EXOC2: variants seen among roughly 807,000 people sequenced by gnomAD.
The protein encoded by EXOC2 is exocyst complex component 2.
In EXOC2, 70 loss-of-function variants were observed where a neutral mutation model predicts 131.8. That is an observed-to-expected ratio of 0.53 (90% CI 0.44 to 0.65). EXOC2 has a LOEUF of 0.65. EXOC2 is among the 30% of genes least tolerant of loss of function. The pLI, the probability that EXOC2 is intolerant of heterozygous loss-of-function variation, is 0.00. For synonymous variants in EXOC2, 411 were observed against 398.4 expected (o/e 1.03, Z -0.38); for missense variants, 923 against 1,108.6 (o/e 0.83, Z 2.38).
chr6:651,364 C>A (rs1221028768), intron 1 of EXOC2, among the ~76,000 whole-genome samples: 3 of 152,060 alleles, frequency 2.0e-5, no homozygotes, highest in Admixed American at 6.6e-5. Flanking sequence ...CATTTAAAGT[C>A]TACAAAAGGC....
intron 13 of EXOC2, among the ~76,000 whole-genome samples, chr6:570,239 T>TTCCAC (rs1243525692): frequency 2.1e-5 from 3 of 145,042 alleles, no homozygotes; most frequent in African/African-American, 7.7e-5. Flanking sequence ...GTTCACGCCA[T>TTCCAC]TCTCCTGCCT....
At chr6:607,574 C>A (rs1488960098) in intron 7 of EXOC2, among the ~76,000 whole-genome samples, 1 of 152,206 alleles carries the variant, frequency 6.6e-6, no homozygotes, top group Non-Finnish European at 1.5e-5. Context: ...GGGACTATTT[C>A]AATTTAAAGC....
intron 23 of EXOC2, among the ~76,000 whole-genome samples, chr6:529,379 G>C (rs1184125212): frequency 6.8e-6 from 1 of 145,988 alleles, no homozygotes; most frequent in Non-Finnish European, 1.5e-5. Context: ...TGTTAACGGA[G>C]GCAGCAGGTC....
intron 11 of EXOC2, among the ~76,000 whole-genome samples, chr6:582,865 A>T (rs1159846832): frequency 6.6e-6 from 1 of 152,110 alleles, no homozygotes; most frequent in Non-Finnish European, 1.5e-5. Flanking sequence ...GCCCCTGTTA[A>T]CTCACTCACT....
intron 13 of EXOC2, among the ~76,000 whole-genome samples, chr6:565,878 AG>A (rs1757939221): frequency 6.6e-6 from 1 of 152,236 alleles, no homozygotes; most frequent in Admixed American, 6.5e-5. Context: ...AACTGCGTGT[AG>A]GGTTAGTTTA....
intron 23 of EXOC2, among the ~76,000 whole-genome samples, chr6:517,265 G>C (rs1005297547): frequency 6.6e-6 from 1 of 152,038 alleles, no homozygotes; most frequent in Non-Finnish European, 1.5e-5. Context: ...GTGGAACATG[G>C]CACCCTATGG....
intron 23 of EXOC2, among the ~76,000 whole-genome samples, chr6:508,330 C>T (rs1764675248): frequency 6.6e-6 from 1 of 152,212 alleles, no homozygotes; most frequent in Non-Finnish European, 1.5e-5. Context: ...CCACAGTTTA[C>T]ATTAGGGTCA....
At chr6:578,831 T>C (rs183320763) in intron 11 of EXOC2, among the ~76,000 whole-genome samples, 2 of 152,190 alleles carry the variant, frequency 1.3e-5, no homozygotes, top group Non-Finnish European at 2.9e-5. Flanking sequence ...TTTTTTCATA[T>C]AAAAATGTTT....
chr6:501,176 C>A (rs59259632), intron 23 of EXOC2, among the ~76,000 whole-genome samples: 3 of 6,358 alleles, frequency 4.7e-4, no homozygotes, highest in South Asian at 5.7e-3. Context: ...TTATATATAT[C>A]TATATATTAT....
At chr6:505,352 G>A (rs992170833) in intron 23 of EXOC2, among the ~76,000 whole-genome samples, 12 of 152,134 alleles carry the variant, frequency 7.9e-5, no homozygotes, top group African/African-American at 2.2e-4. Flanking sequence ...CTTCTGTGGC[G>A]ACATCTGAGC....
intron 23 of EXOC2, among the ~76,000 whole-genome samples, chr6:518,366 T>G (rs554547531): frequency 6.6e-6 from 1 of 152,340 alleles, no homozygotes; most frequent in South Asian, 2.1e-4. Flanking sequence ...TTTGGAGATA[T>G]GTCTCAAAAT....
chr6:581,340 T>C (rs1008184642), intron 11 of EXOC2, among the ~76,000 whole-genome samples: 2 of 152,112 alleles, frequency 1.3e-5, no homozygotes, highest in African/African-American at 4.8e-5. Flanking sequence ...ATCAGAATTT[T>C]ATAATATTTG....
intron 24 of EXOC2, 63 bp from the exon 25 acceptor site, chr6:497,552 A>G (rs1581300918): frequency 6.5e-7 from 1 of 1,544,996 alleles, no homozygotes; most frequent in East Asian, 2.3e-5. Flanking sequence ...TGTTAAAGAC[A>G]AAGTTAACAT....
At chr6:555,438 C>T (rs781136300) in intron 19 of EXOC2, 150 bp from the exon 20 acceptor site, 7 of 448,768 alleles carry the variant, frequency 1.6e-5, no homozygotes, top group Non-Finnish European at 2.4e-5. Flanking sequence ...TGTGTATATA[C>T]TGTATATGCC....
chr6:600,567 T>A (rs1760075188), intron 7 of EXOC2, among the ~76,000 whole-genome samples: 1 of 152,176 alleles, frequency 6.6e-6, no homozygotes, highest in African/African-American at 2.4e-5. Flanking sequence ...CAAGCACTGT[T>A]GTTTTACATT....
chr6:529,730 T>C (rs1168857225), intron 23 of EXOC2, among the ~76,000 whole-genome samples: 1 of 152,152 alleles, frequency 6.6e-6, no homozygotes, highest in Non-Finnish European at 1.5e-5. Flanking sequence ...ATTTAAACTA[T>C]TACTGAACAA....
intron 1 of EXOC2, among the ~76,000 whole-genome samples, chr6:685,867 C>CTTTTTTTTTTT (rs1491058770): frequency 8.2e-6 from 1 of 121,426 alleles, no homozygotes; most frequent in African/African-American, 3.2e-5. Flanking sequence ...TTTCCTGGAC[C>CTTTTTTTTTTT]TCTTTTTTTT....
rs1305629704 is a variant in EXOC2, at chr6:486,508, C to A, written c.*163G>T. ...ACTTCCTGGGCATTTCAAATGAGGTCATTTTGGTTGAAATGTATACCAACA... is the reference window on the plus strand; with the variant it reads ...ACTTCCTGGGCATTTCAAATGAGGTAATTTTGGTTGAAATGTATACCAACA... On this transcript the variant is annotated 3_prime_UTR_variant, in exon 28 of 28. Coordinates refer to ENST00000230449, the MANE Select transcript of EXOC2 (RefSeq NM_018303.6). 2 of 590,838 alleles carry A rather than the reference C, an allele frequency of 3.4e-6. No homozygotes were observed. The highest frequency in any genetic ancestry group is 2.8e-5 in the East Asian group (1 of 35,444). 36.6% of individuals were successfully genotyped at this position (590,838 alleles called of 1,614,324 possible).
At chr6:649,407 A>G (rs1004973272) in intron 1 of EXOC2, among the ~76,000 whole-genome samples, 3 of 152,210 alleles carry the variant, frequency 2.0e-5, no homozygotes, top group African/African-American at 4.8e-5. Flanking sequence ...TCACATATAT[A>G]CACAGGTATA....
Sources: gnomAD v4.1 joint callset for allele counts (sites outside exome capture counted in the v4.1 genomes callset) on GRCh38, gnomAD v4.1.1 for gene constraint, MANE v1.5 for transcripts, NCBI Gene and HGNC (gene_info 2026-07-23, HGNC 2026-07-21) for gene names.